The following HS6ST2 variants were observed in gnomAD, a reference collection of about 807,000 sequenced individuals.
HS6ST2 encodes the protein heparan sulfate 6-O-sulfotransferase 2.
A neutral mutation model predicts 33.0 loss-of-function variants in HS6ST2; 17 were observed. The observed-to-expected ratio is 0.52, with a 90% CI of 0.35 to 0.77. The LOEUF is 0.77. Among genes scored for constraint, HS6ST2 ranks in the 30% least tolerant of loss-of-function variants. The pLI is 0.01. For synonymous variants in HS6ST2, 248 were observed against 237.1 expected (o/e 1.05, Z -0.42); for missense variants, 519 against 551.7 (o/e 0.94, Z 0.59).
rs199893680 is a variant in HS6ST2, at chrX:132,713,042, C to CA, written c.948-4549dup. Among the ~76,000 whole-genome samples, 138 of 109,616 alleles carry CA rather than the reference C, an allele frequency of 1.3e-3. 1 individual carries two copies. In the East Asian group the frequency reaches 0.025, roughly 20 times the overall value. ...TCTGTCTCAACAAAGCAAAACAAAA[C>CA]AAAAAAAACAGCAAAAAACAAAGTG... is the stretch of plus-strand genomic sequence containing the variant. On this transcript the variant is annotated intron_variant, in intron 2 of 4. Transcript: ENST00000370833.
At chrX:132,781,461 A>T (rs187637309) in intron 2 of HS6ST2, among the ~76,000 whole-genome samples, 18 of 111,454 alleles carry the variant, frequency 1.6e-4, no homozygotes, top group Non-Finnish European at 3.2e-4. Context: ...CAAAAACAAA[A>T]CCACAACACA....
chrX:132,740,753 T>C (rs1182674712), intron 2 of HS6ST2, among the ~76,000 whole-genome samples: 5 of 110,482 alleles, frequency 4.5e-5, no homozygotes, highest in African/African-American at 1.6e-4. Flanking sequence ...AGCTCCTACC[T>C]GCCAAGACTA....
At chrX:132,911,007 G>A (rs975153721) in intron 2 of HS6ST2, among the ~76,000 whole-genome samples, 1 of 110,698 alleles carries the variant, frequency 9.0e-6, no homozygotes, top group Non-Finnish European at 1.9e-5. Flanking sequence ...AAAATTAGCC[G>A]GGTGTGGTGG....
intron 4 of HS6ST2, among the ~76,000 whole-genome samples, chrX:132,653,538 G>A (rs1191379737): frequency 9.0e-6 from 1 of 111,513 alleles, no homozygotes; most frequent in Non-Finnish European, 1.9e-5. Flanking sequence ...ACTTTAGTCA[G>A]CAAAGCCAGC....
intron 2 of HS6ST2, among the ~76,000 whole-genome samples, chrX:132,921,340 G>A (rs969889139): frequency 8.9e-5 from 10 of 112,096 alleles, no homozygotes; most frequent in African/African-American, 3.2e-4. Context: ...AAAACTTAGT[G>A]ATTCATGTGC....
chrX:132,637,828 TTATATATAATATTTTATATATAA>T (rs2063563135), intron 4 of HS6ST2, among the ~76,000 whole-genome samples: 1 of 58,539 alleles, frequency 1.7e-5, no homozygotes, highest in South Asian at 7.1e-4. Flanking sequence ...ATATATAATA[TTATATATAATATTTTATATATAA>T]TATATATATA....
intron 2 of HS6ST2, among the ~76,000 whole-genome samples, chrX:132,710,954 C>A (rs1488966955): frequency 2.7e-5 from 3 of 111,663 alleles, no homozygotes; most frequent in Non-Finnish European, 5.6e-5. Context: ...CATCAGCCCT[C>A]AGCAAGCCAC....
At chrX:132,943,921 T>C (rs2148497141) in intron 2 of HS6ST2, among the ~76,000 whole-genome samples, 1 of 111,531 alleles carries the variant, frequency 9.0e-6, no homozygotes, top group Admixed American at 9.5e-5. Context: ...GGGCAAAAAC[T>C]GGAAGCATTC....
At chrX:132,786,624 C>CT (rs113772087) in intron 2 of HS6ST2, among the ~76,000 whole-genome samples, 36,775 of 101,412 alleles carry the variant, frequency 0.36, 5,864 homozygotes, top group African/African-American at 0.5. Flanking sequence ...GTTTCTATTA[C>CT]TTTTTTTTTT....
intron 2 of HS6ST2, among the ~76,000 whole-genome samples, chrX:132,808,169 A>G (rs901457929): frequency 3.6e-5 from 4 of 111,413 alleles, no homozygotes; most frequent in Non-Finnish European, 7.5e-5. Flanking sequence ...GATGAATAAA[A>G]ACAAGAGAGA....
intron 2 of HS6ST2, among the ~76,000 whole-genome samples, chrX:132,845,927 C>A (rs1009901803): frequency 1.2e-4 from 13 of 111,624 alleles, no homozygotes; most frequent in African/African-American, 3.6e-4. Context: ...GATTGGCATG[C>A]TTTTCCTGTA....
intron 3 of HS6ST2, chrX:132,669,592 T>C (rs956128544): frequency 8.6e-6 from 1 of 116,642 alleles, no homozygotes; most frequent in African/African-American, 3.2e-5. Flanking sequence ...ACATGTTCAG[T>C]TCTGAAGCTG....
At chrX:132,854,461 A>G (rs967847386) in intron 2 of HS6ST2, among the ~76,000 whole-genome samples, 35 of 112,516 alleles carry the variant, frequency 3.1e-4, no homozygotes, top group African/African-American at 1.1e-3. Context: ...GCCTTCACCT[A>G]TGAAACTCAG....
In HS6ST2 at chrX:132,947,514, A is replaced by G. The variant is rs989010058; in HGVS notation, c.947+9294T>C. 2.2e-4 allele frequency among the ~76,000 whole-genome samples: 25 copies of G among 111,708 alleles called. 1 individual carries two copies. In the Admixed American group the frequency reaches 2.4e-3, roughly 11 times the overall value. ...AAAAAACTGAACTGTTAATCATTAC[A>G]CAGTGATCTGTTTATGCCCAATAAT... On this transcript the variant is annotated intron_variant, in intron 2 of 4. Coordinates refer to ENST00000370833, the MANE Select transcript of HS6ST2 (RefSeq NM_001394073.1).
intron 2 of HS6ST2, among the ~76,000 whole-genome samples, chrX:132,933,409 C>T (rs754285197): frequency 5.4e-5 from 6 of 110,850 alleles, no homozygotes; most frequent in Admixed American, 1.9e-4. Context: ...GAAGATATTT[C>T]AGTAGACATT....
At chrX:132,736,065 G>A (rs889809287) in intron 2 of HS6ST2, among the ~76,000 whole-genome samples, 20 of 110,240 alleles carry the variant, frequency 1.8e-4, no homozygotes, top group Admixed American at 1.6e-3. Context: ...GGCTGGTCTC[G>A]AACTCCTGAC....
intron 2 of HS6ST2, among the ~76,000 whole-genome samples, chrX:132,793,410 G>C (rs144305478): frequency 0.037 from 4,048 of 110,540 alleles, 142 homozygotes; most frequent in East Asian, 0.13. Context: ...CTGGGCTTGT[G>C]GACCAGAATG....
intron 2 of HS6ST2, among the ~76,000 whole-genome samples, chrX:132,947,158 T>C (rs1303630540): frequency 9.0e-6 from 1 of 110,904 alleles, no homozygotes; most frequent in Non-Finnish European, 1.9e-5. Context: ...TTCAAAAGTG[T>C]TTCATATGCA....
At chrX:132,792,008 C>T (rs2065123172) in intron 2 of HS6ST2, among the ~76,000 whole-genome samples, 1 of 112,064 alleles carries the variant, frequency 8.9e-6, no homozygotes, top group African/African-American at 3.2e-5. Flanking sequence ...TTACACTTTC[C>T]TATATAAACA....
Sources: allele counts gnomAD v4.1 joint callset (sites outside exome capture counted in the v4.1 genomes callset), GRCh38; gene constraint gnomAD v4.1.1; transcripts MANE v1.5; gene names NCBI Gene and HGNC (gene_info 2026-07-23, HGNC 2026-07-21).